FREM1: variants seen among roughly 807,000 people sequenced by gnomAD.
FREM1 encodes the protein FRAS1 related extracellular matrix 1, also known as FRAS1-related extracellular matrix protein 1.
In FREM1, 220 loss-of-function variants were observed where a neutral mutation model predicts 210.1. The observed-to-expected ratio is 1.05, with a 90% CI of 0.94 to 1.17. FREM1 has a LOEUF of 1.17. FREM1 is among the 50% of genes most tolerant of loss of function. FREM1 has a pLI of 0.00. For synonymous variants in FREM1, 1,189 were observed against 980.2 expected, an observed-to-expected ratio of 1.21 and a Z score of -3.98; for missense variants, 3,454 against 2,675.5, an observed-to-expected ratio of 1.29 and a Z score of -6.42.
At chr9:14,812,767 T>C (rs750431054) in intron 16 of FREM1, 45 bp downstream of exon 16, 2 of 1,561,328 alleles carry the variant, frequency 1.3e-6, no homozygotes, top group Admixed American at 1.7e-5. Flanking sequence ...GTGGAGACTC[T>C]CATGTTGCTT....
intron 10 of FREM1, among the ~76,000 whole-genome samples, chr9:14,834,208 C>T (rs903669187): frequency 5.3e-5 from 8 of 152,170 alleles, no homozygotes; most frequent in Admixed American, 5.2e-4. Context: ...ATCTCCACCC[C>T]ACACTGAGGG....
At chr9:14,882,912 C>CAAGAAAAAAA (rs1780416044) in intron 1 of FREM1, among the ~76,000 whole-genome samples, 2 of 45,418 alleles carry the variant, frequency 4.4e-5, no homozygotes, top group African/African-American at 1.9e-4. Context: ...GACTCCATCT[C>CAAGAAAAAAA]AAAAAAAAAA....
chr9:14,801,753 T>G lies in FREM1; in HGVS notation c.3593A>C (p.Asp1198Ala), dbSNP rs113023231. The G allele has an allele frequency of 1.1e-5, 17 of 1,613,772 alleles. No individual in the cohort carries two copies. Among genetic ancestry groups the G allele is most frequent in the African/African-American group, 5.3e-5 (4 of 74,892 alleles). The change falls in exon 20 of 37, where the codon GAT (aspartate) becomes GCT (alanine). Residue 1198 changes from aspartate (D) to alanine (A), a missense_variant. Coordinates refer to ENST00000380880, the MANE Select transcript of FREM1 (RefSeq NM_001379081.2). Reference protein sequence around the residue: ...TQKPRHGLLIDRGFSKDFSEN... With the variant: ...TQKPRHGLLIARGFSKDFSEN... ...AGAGAAGTCTTTGCTAAACCCCCTA[T>G]CGATGAGGAGGCCATGGCGTGGCTT...
chr9:14,842,701 G>A (rs1421881381), intron 8 of FREM1, 41 bp from the exon 9 acceptor site: 3 of 1,444,886 alleles, frequency 2.1e-6, no homozygotes, highest in Non-Finnish European at 2.9e-6. Context: ...GAGCAAGGGA[G>A]TGCAGAAGCA....
chr9:14,810,708 C>T (rs902281233), intron 16 of FREM1, among the ~76,000 whole-genome samples: 9 of 152,110 alleles, frequency 5.9e-5, no homozygotes, highest in African/African-American at 1.4e-4. Context: ...TTTTAATAAA[C>T]ATTTCAGGTG....
chr9:14,906,406 T>C (rs1222151152), intron 1 of FREM1, among the ~76,000 whole-genome samples: 1 of 152,170 alleles, frequency 6.6e-6, no homozygotes, highest in Non-Finnish European at 1.5e-5. Flanking sequence ...CATCCTACCA[T>C]GTGATAATAA....
At chr9:14,790,305 GTTTC>G (rs929217800) in intron 22 of FREM1, among the ~76,000 whole-genome samples, 2 of 151,988 alleles carry the variant, frequency 1.3e-5, no homozygotes, top group African/African-American at 4.8e-5. Context: ...ACTTGATAAC[GTTTC>G]TTTCTCTTTA....
chr9:14,762,722 C>G (rs1845717395), intron 27 of FREM1, among the ~76,000 whole-genome samples: 1 of 149,796 alleles, frequency 6.7e-6, no homozygotes, highest in Non-Finnish European at 1.5e-5. Flanking sequence ...CCTGCATACC[C>G]ACAGAATATG....
Position 14,819,317 on chromosome 9 carries a change from C to T in FREM1, c.2463G>A (p.Leu821=). 1 of 1,613,952 alleles carries T rather than the reference C, an allele frequency of 6.2e-7. No individual in the cohort carries two copies. The highest frequency in any genetic ancestry group is 2.2e-5 in the East Asian group (1 of 44,878). ...NIDLSLRELP[L]HGRVELNGFP... ...ATCCATTCAGCTCCACCCTTCCGTG[C>T]AGAGGCAATTCCCGCAGGGAGAGGT... The change falls in exon 14 of 37, where the codon CTG becomes CTA. Residue 821 remains leucine, a synonymous_variant. Coordinates refer to ENST00000380880, the MANE Select transcript of FREM1 (RefSeq NM_001379081.2).
chr9:14,881,463 A>G (rs1003766836), intron 1 of FREM1, among the ~76,000 whole-genome samples: 4 of 152,246 alleles, frequency 2.6e-5, no homozygotes, highest in African/African-American at 9.6e-5. Context: ...ATGAATTCAA[A>G]TATGTTTTGG....
intron 1 of FREM1, among the ~76,000 whole-genome samples, chr9:14,893,305 G>C (rs1258974712): frequency 6.6e-6 from 1 of 152,220 alleles, no homozygotes; most frequent in East Asian, 1.9e-4. Context: ...TTTGTGCTAT[G>C]AATTTGTCTT....
chr9:14,886,321 G>A (rs142965670), intron 1 of FREM1, among the ~76,000 whole-genome samples: 5,107 of 146,006 alleles, frequency 0.035, 138 homozygotes, highest in South Asian at 0.063. Context: ...TGGAGGCGGA[G>A]GTTGCAGTAA....
At chr9:14,808,202 C>T (rs559136288) in intron 16 of FREM1, 68 bp from the exon 17 acceptor site, 4 of 979,762 alleles carry the variant, frequency 4.1e-6, no homozygotes, top group African/African-American at 1.6e-5. Flanking sequence ...GAAATCTACT[C>T]ACACCTCTTC....
intron 7 of FREM1, among the ~76,000 whole-genome samples, chr9:14,847,506 AC>A (rs1826912494): frequency 6.6e-6 from 1 of 151,926 alleles, no homozygotes; most frequent in African/African-American, 2.4e-5. Context: ...AATCTCTGTG[AC>A]TGGCAATAAG....
intron 6 of FREM1, among the ~76,000 whole-genome samples, chr9:14,849,123 A>G (rs1028625007): frequency 7.2e-5 from 11 of 152,120 alleles, no homozygotes; most frequent in Non-Finnish European, 1.6e-4. Flanking sequence ...GTGGTTTTCA[A>G]CTAGGGGTGA....
chr9:14,888,341 A>G (rs1159383115), intron 1 of FREM1, among the ~76,000 whole-genome samples: 1 of 152,182 alleles, frequency 6.6e-6, no homozygotes, highest in Non-Finnish European at 1.5e-5. Flanking sequence ...TGTTATATAT[A>G]CACTGCTTCA....
chr9:14,790,541 G>C (rs1016156326), intron 22 of FREM1: 21 of 152,090 alleles, frequency 1.4e-4, no homozygotes, highest in African/African-American at 5.1e-4. Context: ...AAGCACAGAA[G>C]AAGACATCTT....
intron 3 of FREM1, among the ~76,000 whole-genome samples, chr9:14,860,416 C>A (rs922990913): frequency 6.6e-6 from 1 of 151,824 alleles, no homozygotes; most frequent in African/African-American, 2.4e-5. Context: ...GTATACTCTT[C>A]CAGCCTCCCA....
At chr9:14,746,521 TG>T (rs1842467181) in intron 34 of FREM1, 53 bp from the exon 35 acceptor site, 2 of 1,434,524 alleles carry the variant, frequency 1.4e-6, no homozygotes, top group Non-Finnish European at 2.0e-6. Flanking sequence ...AATCTGGAGT[TG>T]GTTCAGCATA....
Sources: allele counts gnomAD v4.1 joint callset (sites outside exome capture counted in the v4.1 genomes callset), GRCh38; gene constraint gnomAD v4.1.1; transcripts MANE v1.5; gene names NCBI Gene and HGNC (gene_info 2026-07-23, HGNC 2026-07-21).